CFTR: variants seen among roughly 807,000 people sequenced by gnomAD.
CFTR encodes the protein cystic fibrosis transmembrane conductance regulator.
A neutral mutation model predicts 171.6 loss-of-function variants in CFTR; 181 were observed. The observed-to-expected ratio is 1.05, with a 90% confidence interval of 0.93 to 1.19. The LOEUF (loss-of-function observed/expected upper bound fraction) is 1.19. CFTR is among the 50% of genes most tolerant of loss of function. The pLI, the probability that CFTR is intolerant of heterozygous loss-of-function variation, is 0.00. For missense variants in CFTR, 1,968 were observed against 1,734.7 expected (o/e 1.13, Z -2.39); for synonymous variants, 583 against 608.0 (o/e 0.96, Z 0.60).
chr7:117,655,924 G>A (rs1413497373), intron 24 of CFTR, among the ~76,000 whole-genome samples: 2 of 152,024 alleles, frequency 1.3e-5, no homozygotes, highest in African/African-American at 4.8e-5. Flanking sequence ...TTTTATAAGG[G>A]CAGTAATCCA....
chr7:117,603,020 A>G (rs1276224417), intron 16 of CFTR, among the ~76,000 whole-genome samples, 157 bp downstream of exon 16: 2 of 152,134 alleles, frequency 1.3e-5, no homozygotes, highest in Admixed American at 6.6e-5. Flanking sequence ...AATGATGACC[A>G]TTAGTTGGGT....
intron 21 of CFTR, among the ~76,000 whole-genome samples, chr7:117,617,976 A>G (rs1434649653): frequency 6.6e-6 from 1 of 152,102 alleles, no homozygotes; most frequent in Non-Finnish European, 1.5e-5. Context: ...ACATCTTGCC[A>G]GAGCCAATTT....
chr7:117,550,411 A>T (rs1799249125), intron 10 of CFTR, among the ~76,000 whole-genome samples: 1 of 152,140 alleles, frequency 6.6e-6, no homozygotes, highest in South Asian at 2.1e-4. Context: ...TACATACGAA[A>T]CAGCTTTTAA....
chr7:117,571,207 G>T (rs1216246449), intron 11 of CFTR, among the ~76,000 whole-genome samples: 6 of 152,188 alleles, frequency 3.9e-5, no homozygotes, highest in African/African-American at 1.4e-4. Context: ...GAAGTGATGG[G>T]TAGGTAAGTA....
chr7:117,522,463 A>G (rs1018107049), intron 3 of CFTR, among the ~76,000 whole-genome samples: 2 of 152,252 alleles, frequency 1.3e-5, no homozygotes, highest in Non-Finnish European at 2.9e-5. Context: ...TTTTGAATTC[A>G]GTGTTTATTT....
rs397508620 is a variant in CFTR at position 117,642,591 on chromosome 7, C to T, written c.3871C>T (p.Gln1291Ter). 6.2e-7 allele frequency: 1 copy of T among 1,613,228 alleles called. No homozygotes were observed. Residue 1291 changes from glutamine (Q) to a stop codon, truncating the protein, a stop_gained and splice_region_variant, in exon 23 of 27, where the codon CAG becomes TAG. Transcript: ENST00000003084. LOFTEE classifies it high-confidence loss of function. ...GAGGAAAGCCTTTGGAGTGATACCACAGGTGAGCAAAAGGACTTAGCCAGA... is the reference window on the plus strand; with the variant it reads ...GAGGAAAGCCTTTGGAGTGATACCATAGGTGAGCAAAAGGACTTAGCCAGA... ...QWRKAFGVIP[Q>*]KVFIFSGTFR...
chr7:117,557,406 C>T (rs1799378516), intron 10 of CFTR, among the ~76,000 whole-genome samples: 2 of 152,060 alleles, frequency 1.3e-5, no homozygotes, highest in African/African-American at 2.4e-5. Flanking sequence ...ATTAAATGTA[C>T]ATCATTATTC....
Position 117,542,102 on chromosome 7 carries a change from G to A in CFTR, c.1203G>A (p.Trp401Ter), listed in dbSNP as rs397508175. 3 of 1,571,902 alleles carry A rather than the reference G, an allele frequency of 1.9e-6. No individual in the cohort carries two copies. Among genetic ancestry groups the A allele is most frequent in the Non-Finnish European group, 2.6e-6 (3 of 1,141,664 alleles). ...EVVMENVTAF[W>*]EEGFGELFEK... is the part of the protein sequence containing the mutation. ...TGATGGAGAATGTAACAGCCTTCTG[G>A]GAGGAGGTCAGAATTTTTAAAAAAT... Residue 401 changes from tryptophan to a stop codon, truncating the protein, a stop_gained, in exon 9 of 27, where the codon TGG (tryptophan) becomes TGA (stop). Transcript: ENST00000003084. LOFTEE classifies it high-confidence loss of function.
chr7:117,560,464 C>G (rs762874268), intron 11 of CFTR, among the ~76,000 whole-genome samples: 1 of 151,978 alleles, frequency 6.6e-6, no homozygotes, highest in South Asian at 2.1e-4. Flanking sequence ...TTGGCATTTG[C>G]AATTCCTTTA....
chr7:117,568,406 G>A (rs1484034140), intron 11 of CFTR, among the ~76,000 whole-genome samples: 1 of 152,062 alleles, frequency 6.6e-6, no homozygotes, highest in Non-Finnish European at 1.5e-5. Flanking sequence ...TGGTGGCAGG[G>A]AGATAATTTA....
In CFTR at chr7:117,504,330, A is replaced by T. The variant is rs1800074; in HGVS notation, c.131A>T (p.Asp44Val). 3 of 1,607,062 alleles carry T rather than the reference A, an allele frequency of 1.9e-6. No individual in the cohort carries two copies. Among genetic ancestry groups the T allele is most frequent in the Non-Finnish European group, 2.6e-6 (3 of 1,173,792 alleles). The change falls in exon 2 of 27, where the codon GAT becomes GTT. Residue 44 changes from aspartate (D) to valine (V), a missense_variant. Asp to Val is a radical substitution (Grantham distance 152). Coordinates refer to ENST00000003084, the MANE Select transcript of CFTR (RefSeq NM_000492.4). ...GACATATACCAAATCCCTTCTGTTG[A>T]TTCTGCTGACAATCTATCTGAAAAA... ...LSDIYQIPSV[D>V]SADNLSEKLE...
intron 4 of CFTR, among the ~76,000 whole-genome samples, chr7:117,533,291 A>G (rs1056934963): frequency 6.6e-6 from 1 of 152,166 alleles, no homozygotes; most frequent in East Asian, 1.9e-4. Context: ...CTGCTTGTCT[A>G]TACACTATTT....
intron 3 of CFTR, among the ~76,000 whole-genome samples, chr7:117,528,063 C>G (rs1277323555): frequency 7.3e-6 from 1 of 137,210 alleles, no homozygotes; most frequent in Non-Finnish European, 1.6e-5. Context: ...CCAAGTCAAT[C>G]GTAAGCCAAA....
At chr7:117,488,154 C>G (rs973523260) in intron 1 of CFTR, among the ~76,000 whole-genome samples, 1 of 152,118 alleles carries the variant, frequency 6.6e-6, no homozygotes, top group Non-Finnish European at 1.5e-5. Context: ...ACATAAGTCT[C>G]TGCAATAGAC....
At chr7:117,580,013 A>T (rs1365912909) in intron 11 of CFTR, among the ~76,000 whole-genome samples, 1 of 151,996 alleles carries the variant, frequency 6.6e-6, no homozygotes, top group African/African-American at 2.4e-5. Flanking sequence ...CTTTTCAACA[A>T]ATATAGGAAT....
At chr7:117,556,554 C>G (rs1388411976) in intron 10 of CFTR, among the ~76,000 whole-genome samples, 1 of 100,088 alleles carries the variant, frequency 1.0e-5, no homozygotes, top group African/African-American at 4.0e-5. Context: ...GAGTCTCGCT[C>G]TGTCGCCCAG....
At chr7:117,644,173 T>A (rs1411516111) in intron 23 of CFTR, among the ~76,000 whole-genome samples, 1 of 152,180 alleles carries the variant, frequency 6.6e-6, no homozygotes, top group Non-Finnish European at 1.5e-5. Context: ...ATCGATGCTT[T>A]TCATATATGT....
At chr7:117,537,962 A>G (rs1025139877) in intron 7 of CFTR, among the ~76,000 whole-genome samples, 10 of 152,194 alleles carry the variant, frequency 6.6e-5, no homozygotes, top group African/African-American at 2.4e-4. Flanking sequence ...TCTCAAACTC[A>G]TGATAAACTC....
intron 11 of CFTR, among the ~76,000 whole-genome samples, chr7:117,561,648 C>T (rs1305986210): frequency 6.6e-6 from 1 of 152,086 alleles, no homozygotes; most frequent in African/African-American, 2.4e-5. Flanking sequence ...TTTATTAAGA[C>T]TTGCTTTATT....
Sources: gnomAD v4.1 joint callset for allele counts (sites outside exome capture counted in the v4.1 genomes callset) on GRCh38, gnomAD v4.1.1 for gene constraint, MANE v1.5 for transcripts, NCBI Gene and HGNC (gene_info 2026-07-23, HGNC 2026-07-21) for gene names.